Variants in LAMP1 observed in about 807,000 individuals in gnomAD.
LAMP1 encodes the protein lysosome associated membrane protein 1, also known as lysosome-associated membrane glycoprotein 1.
LAMP1 carries 7 observed loss-of-function variants against 37.5 expected under a neutral mutation model. The observed-to-expected ratio is 0.19, with a 90% CI of 0.11 to 0.35. The LOEUF is 0.35. Ranked by LOEUF, LAMP1 falls within the 10% of genes least tolerant of loss-of-function variation. The pLI is 1.00. For synonymous variants in LAMP1, 236 were observed against 229.1 expected, an observed-to-expected ratio of 1.03 and a Z score of -0.27; for missense variants, 537 against 552.8, an observed-to-expected ratio of 0.97 and a Z score of 0.29.
intron 1 of LAMP1, among the ~76,000 whole-genome samples, chr13:113,298,889 TC>T (rs2042556215): frequency 6.6e-6 from 1 of 152,266 alleles, no homozygotes; most frequent in African/African-American, 2.4e-5. Context: ...ACGCCTTTAA[TC>T]CCAACACTTT....
Position 113,297,469 on chromosome 13 carries a change from T to C in LAMP1, c.35T>C (p.Leu12Pro). Residue 12 changes from leucine to proline, a missense_variant, in exon 1 of 9, where the codon CTG becomes CCG. Transcript: ENST00000332556. This position sits in a 1 kb window ranked among gnomAD's most constrained non-coding sequence, Gnocchi z 4.4. Reference sequence around the variant, plus strand: ...CCCGGCAGCGCCCGGCGACCCCTGCTGCTGCTACTGCTGTTGCTGCTGCTC... The same window carrying C: ...CCCGGCAGCGCCCGGCGACCCCTGCCGCTGCTACTGCTGTTGCTGCTGCTC... ...AAPGSARRPL[L>P]LLLLLLLLGL... is the part of the protein sequence containing the mutation. 2.4e-6 allele frequency: 3 copies of C among 1,230,898 alleles called. No individual in the cohort carries two copies. The highest frequency in any genetic ancestry group is 3.1e-6 in the Non-Finnish European group (3 of 980,332). The allele number at this position is 1,230,898 out of a possible 1,614,324, so 76.2% of individuals were successfully genotyped here. A position where few individuals can be genotyped will look rare whatever the true frequency, so the allele number is the denominator to read the frequency against.
intron 8 of LAMP1, 33 bp from the exon 9 acceptor site, chr13:113,322,249 C>T: frequency 6.3e-7 from 1 of 1,586,244 alleles, no homozygotes; most frequent in South Asian, 1.1e-5. Context: ...CCTGTGTGAG[C>T]AGAGCCCTGA....
chr13:113,306,865 A>G (rs1339092821), intron 2 of LAMP1, among the ~76,000 whole-genome samples: 1 of 11,460 alleles, frequency 8.7e-5, no homozygotes, highest in Non-Finnish European at 1.4e-3. Context: ...TTTGAGACGG[A>G]GTCTCGCTCT....
Position 113,320,201 on chromosome 13 carries a change from T to C in LAMP1, c.751-144T>C, listed in dbSNP as rs2139375793. 1.1e-6 allele frequency: 1 copy of C among 949,126 alleles called. No homozygotes were observed. The highest frequency in any genetic ancestry group is 1.6e-6 in the Non-Finnish European group (1 of 610,384). 58.8% of individuals were successfully genotyped at this position (949,126 alleles called of 1,614,324 possible). ...AGTCATCTTGGGATCCCGAAATCTG[T>C]ACTAGTGTGGTCTTTCAGTGTTTTC... is the stretch of plus-strand genomic sequence containing the variant. On this transcript the variant is annotated intron_variant, in intron 5 of 8. Coordinates refer to ENST00000332556, the MANE Select transcript of LAMP1 (RefSeq NM_005561.4). The surrounding 1 kb of genome is among the most constrained non-coding windows in gnomAD (Gnocchi z 4.4).
At chr13:113,315,731 A>G (rs1166553248) in intron 4 of LAMP1, among the ~76,000 whole-genome samples, 1 of 151,994 alleles carries the variant, frequency 6.6e-6, no homozygotes, top group Non-Finnish European at 1.5e-5. Context: ...TTTTATTTTA[A>G]AAGGAAATGA....
intron 2 of LAMP1, among the ~76,000 whole-genome samples, chr13:113,307,230 T>G (rs1490414601): frequency 6.6e-6 from 1 of 150,394 alleles, no homozygotes; most frequent in Non-Finnish European, 1.5e-5. Context: ...CGATCTGAGC[T>G]CGCCACAACC....
chr13:113,307,541 T>A (rs2042606362), intron 2 of LAMP1, among the ~76,000 whole-genome samples: 1 of 152,170 alleles, frequency 6.6e-6, no homozygotes, highest in African/African-American at 2.4e-5. Context: ...CACACTCCCC[T>A]ATTAGTAATT....
At position 113,314,838 on chromosome 13, in the gene LAMP1, T is replaced by C. The variant is rs1348780902; in HGVS notation, c.562+3971T>C. 3.4e-4 allele frequency among the ~76,000 whole-genome samples: 42 copies of C among 121,928 alleles called. 1 individual carries two copies. The highest frequency in any genetic ancestry group is 4.4e-4 in the Non-Finnish European group (26 of 59,602). 80.0% of individuals were successfully genotyped at this position (121,928 alleles called of 152,430 possible). A position where few individuals can be genotyped will look rare whatever the true frequency, so the allele number is the denominator to read the frequency against. ...TGGAGATGCCCATGTGCCTGGGGCG[T>C]GGCCTCCTGGAGGCAGCCAGTGTGG... On this transcript the variant is annotated intron_variant, in intron 4 of 8. Transcript: ENST00000332556.
chr13:113,303,616 C>G (rs902559158), intron 1 of LAMP1, among the ~76,000 whole-genome samples: 1 of 152,004 alleles, frequency 6.6e-6, no homozygotes, highest in Non-Finnish European at 1.5e-5. Flanking sequence ...TCCTCAAGCT[C>G]TGTGTGCTGA....
chr13:113,308,871 T>C (rs996384978), intron 2 of LAMP1, among the ~76,000 whole-genome samples: 1 of 152,196 alleles, frequency 6.6e-6, no homozygotes, highest in African/African-American at 2.4e-5. Flanking sequence ...TGATGAACAT[T>C]AAGTGGTTTT....
At position 113,315,702 on chromosome 13, in the gene LAMP1, A is replaced by C. The variant is rs2042659596; in HGVS notation, c.563-3767A>C. On this transcript the variant is annotated intron_variant, in intron 4 of 8. Transcript: ENST00000332556. ...TTCAATACATCATCTTATCTAAAAA[A>C]GCTCGGGGACCTCATAGATTTTATT... Among the ~76,000 whole-genome samples, 3 of 151,870 alleles carry C rather than the reference A, an allele frequency of 2.0e-5. No homozygotes were observed. The South Asian group carries it at 6.2e-4, about 32-fold the overall frequency.
chr13:113,306,475 G>A lies in LAMP1; in HGVS notation c.62-10G>A. ...TTTTTGATGGTCTCCGTCTTCCCTG[G>A]AATTGACAGGCCTCATGCATTGTGC... On this transcript the variant is annotated splice_polypyrimidine_tract_variant and intron_variant, in intron 1 of 8. Coordinates refer to ENST00000332556, the MANE Select transcript of LAMP1 (RefSeq NM_005561.4). 6.2e-7 allele frequency: 1 copy of A among 1,612,466 alleles called. No homozygotes were observed.
intron 4 of LAMP1, among the ~76,000 whole-genome samples, chr13:113,312,208 C>T (rs992151446): frequency 1.3e-5 from 2 of 152,192 alleles, no homozygotes; most frequent in African/African-American, 4.8e-5. Flanking sequence ...CGGTCTTGCC[C>T]ACCTCCAATT....
At chr13:113,319,787 C>A in intron 5 of LAMP1, 131 bp downstream of exon 5, 1 of 852,926 alleles carries the variant, frequency 1.2e-6, no homozygotes, top group Non-Finnish European at 1.8e-6. Flanking sequence ...GCTTGCAGGA[C>A]GTGACCCTAG....
intron 4 of LAMP1, among the ~76,000 whole-genome samples, chr13:113,314,392 A>G (rs535814497): frequency 0.042 from 1,651 of 39,024 alleles, 114 homozygotes; most frequent in African/African-American, 0.19. Flanking sequence ...GGAGATGCCC[A>G]TGTGCCTGGG....
At chr13:113,307,038 A>G (rs1424840630) in intron 2 of LAMP1, among the ~76,000 whole-genome samples, 1 of 151,384 alleles carries the variant, frequency 6.6e-6, no homozygotes, top group Non-Finnish European at 1.5e-5. Flanking sequence ...ATGGGGTTTC[A>G]CTGTGTTAGC....
rs572623986 is a variant in LAMP1 at position 113,312,516 on chromosome 13, G to A, written c.562+1649G>A. On this transcript the variant is annotated intron_variant, in intron 4 of 8. Coordinates refer to ENST00000332556, the MANE Select transcript of LAMP1 (RefSeq NM_005561.4). ...TTCCCTGGTGAGTGGGTGAAAAGGA[G>A]CCCAACTTGGAAACCCCGGGTGTGA... Among the ~76,000 whole-genome samples the A allele has an allele frequency of 8.5e-5, 13 of 152,322 alleles. No individual in the cohort carries two copies. In the South Asian group the frequency reaches 2.7e-3, roughly 32 times the overall value.
Position 113,321,875 on chromosome 13 carries a change from G to A in LAMP1, c.1114+148G>A. 2 of 766,848 alleles carry A rather than the reference G, an allele frequency of 2.6e-6. No individual in the cohort carries two copies. The highest frequency in any genetic ancestry group is 4.1e-6 in the Non-Finnish European group (2 of 482,844). 47.5% of individuals were successfully genotyped at this position (766,848 alleles called of 1,614,324 possible). Reference sequence around the variant, plus strand: ...TTCTTCTTGCCGGTCTGAGATTCTAGAGGTAACTCCCCCTGCTTTAGAGAG... The same window carrying A: ...TTCTTCTTGCCGGTCTGAGATTCTAAAGGTAACTCCCCCTGCTTTAGAGAG... On this transcript the variant is annotated intron_variant, in intron 8 of 8. Transcript: ENST00000332556. This position sits in a 1 kb window ranked among gnomAD's most constrained non-coding sequence, Gnocchi z 5.6.
At chr13:113,314,931 G>A (rs530689917) in intron 4 of LAMP1, among the ~76,000 whole-genome samples, 3 of 118,012 alleles carry the variant, frequency 2.5e-5, no homozygotes, top group Non-Finnish European at 5.1e-5. Context: ...TGTGCCTGGG[G>A]CATGGCCTCC....
Sources: allele counts gnomAD v4.1 joint callset (sites outside exome capture counted in the v4.1 genomes callset), GRCh38; gene constraint gnomAD v4.1.1; non-coding constraint Gnocchi (gnomAD v3.1); transcripts MANE v1.5; gene names NCBI Gene and HGNC (gene_info 2026-07-23, HGNC 2026-07-21).